Variants in TRIM77 observed in about 807,000 individuals in gnomAD.
The protein encoded by TRIM77 is tripartite motif-containing protein 77.
In TRIM77, 23 loss-of-function variants were observed where a neutral mutation model predicts 31.8. That is an observed-to-expected ratio of 0.72 (90% CI 0.52 to 1.02). TRIM77 has a LOEUF of 1.02. Ranked by LOEUF, TRIM77 falls within the 50% of genes least tolerant of loss-of-function variation. The probability of loss-of-function intolerance (pLI) is 0.00; values close to 1 mark genes in which losing one functional copy is unlikely to be tolerated. For synonymous variants in TRIM77, 159 were observed against 183.1 expected (o/e 0.87, Z 1.06); for missense variants, 446 against 539.2 (o/e 0.83, Z 1.71).
rs1949158131 is a variant in TRIM77, at chr11:89,715,945, T to C, written c.817T>C (p.Trp273Arg). ...PQPVNPQLSAWTITGVSERLN... is the reference protein window; with the variant it reads ...PQPVNPQLSARTITGVSERLN... ...GCCTGTGAACCCACAGCTCAGTGCA[T>C]GGACCATCACTGGGGTGTCAGAAAG... is the stretch of plus-strand genomic sequence containing the variant. Residue 273 changes from tryptophan (W) to arginine (R), a missense_variant, in exon 5 of 6, where the codon TGG (tryptophan) becomes CGG (arginine). Trp to Arg is a moderately radical substitution (Grantham distance 101, BLOSUM62 -3). This residue lies in a region of TRIM77 where 366 missense variants were observed against 447.9 expected (regional missense o/e 0.82). Transcript: ENST00000398290. 1.3e-6 allele frequency: 2 copies of C among 1,548,928 alleles called. No homozygotes were observed. The highest frequency in any genetic ancestry group is 3.9e-5 in the Admixed American group (2 of 50,942).
chr11:89,714,453 C>G (rs1350566786), intron 3 of TRIM77, 31 bp downstream of exon 3: 3 of 1,411,326 alleles, frequency 2.1e-6, no homozygotes, highest in Non-Finnish European at 1.9e-6. Flanking sequence ...GGGTGCTGAA[C>G]ACCACCCTGC....
chr11:89,711,493 C>T lies in TRIM77; in HGVS notation c.495C>T (p.Ile165=), dbSNP rs747410517. ...ATCTAAACAGAGAGACCAACATAAT[C>T]GGAACATGGGAAGTAAGCAGTAAGC... ...QRNLNRETNI[I]GTWEVFINLR... Residue 165 remains isoleucine, a synonymous_variant, in exon 2 of 6, where the codon ATC becomes ATT. Transcript: ENST00000398290. 1.4e-5 allele frequency: 21 copies of T among 1,513,224 alleles called. No homozygotes were observed. The East Asian group carries it at 1.8e-4, about 13-fold the overall frequency. The allele number at this position is 1,513,224 out of a possible 1,614,324, so 93.7% of individuals were successfully genotyped here.
chr11:89,711,560 G>T (rs935455364), intron 2 of TRIM77, 55 bp downstream of exon 2: 10 of 974,034 alleles, frequency 1.0e-5, no homozygotes, highest in Admixed American at 3.0e-5. Context: ...AATGTGACTT[G>T]TGGGAGAAGA....
At position 89,717,711 on chromosome 11, in the gene TRIM77, C is replaced by T. The variant is rs1420347406; in HGVS notation, c.1192C>T (p.His398Tyr). ...CTTCTCTACCTCCCCACTGTTACCT[C>T]ACTATATTCCAAGGCCCCAAGGCTG... ...SLFSTSPLLP[H>Y]YIPRPQGWLG... is the part of the protein sequence containing the mutation. The change falls in exon 6 of 6, where the codon CAC becomes TAC. Residue 398 changes from histidine (H) to tyrosine (Y), a missense_variant. Transcript: ENST00000398290. 1 of 1,551,290 alleles carries T rather than the reference C, an allele frequency of 6.4e-7. No homozygotes were observed. Among genetic ancestry groups the T allele is most frequent in the East Asian group, 2.4e-5 (1 of 40,902 alleles).
chr11:89,712,114 A>G (rs541705610), intron 2 of TRIM77, among the ~76,000 whole-genome samples: 152 of 152,332 alleles, frequency 1.0e-3, no homozygotes, highest in African/African-American at 3.4e-3. Context: ...ACAAATATGA[A>G]TTAAGTACCT....
Position 89,717,861 on chromosome 11 carries a change from G to A in TRIM77, c.1342G>A (p.Gly448Arg), listed in dbSNP as rs1443385422. The A allele has an allele frequency of 1.4e-5, 21 of 1,532,924 alleles. 1 individual carries two copies. The highest frequency in any genetic ancestry group is 1.1e-4 in the South Asian group (9 of 79,984). 95.0% of individuals were successfully genotyped at this position (1,532,924 alleles called of 1,614,324 possible). A position where few individuals can be genotyped will look rare whatever the true frequency, so the allele number is the denominator to read the frequency against. The change falls in exon 6 of 6, where the codon GGA (glycine) becomes AGA (arginine). Residue 448 changes from glycine (G) to arginine (R), a missense_variant. Gly to Arg is a moderately radical substitution (Grantham distance 125, BLOSUM62 -2). Coordinates refer to ENST00000398290, the MANE Select transcript of TRIM77 (RefSeq NM_001146162.1). ...YFPLRPFICH[G>R]SK ...TCCTCTCAGACCTTTCATTTGCCAC[G>A]GATCTAAATAATCAGGGACAGGTCA...
chr11:89,711,953 C>A (rs971391084), intron 2 of TRIM77, among the ~76,000 whole-genome samples: 2 of 151,932 alleles, frequency 1.3e-5, no homozygotes, highest in African/African-American at 4.8e-5. Context: ...GTTAGAAAAG[C>A]GGTAAAATTA....
chr11:89,716,103 C>G, intron 5 of TRIM77, 116 bp downstream of exon 5: 2 of 540,070 alleles, frequency 3.7e-6, no homozygotes, highest in African/African-American at 1.9e-5. Context: ...AGTGAACAAG[C>G]AGGTAAATAT....
chr11:89,714,190 A>C lies in TRIM77; in HGVS notation c.508-2A>C, dbSNP rs1423046894. ...GATTTAATTAATCAACTATCACTAC[A>C]GGTTTTTATAAATTTGCGGAGCATG... is the stretch of plus-strand genomic sequence containing the variant. On this transcript the variant is annotated splice_acceptor_variant, in intron 2 of 5. Transcript: ENST00000398290. LOFTEE classifies it high-confidence loss of function. 10 of 1,540,470 alleles carry C rather than the reference A, an allele frequency of 6.5e-6. No homozygotes were observed. The highest frequency in any genetic ancestry group is 4.8e-5 in the South Asian group (4 of 82,772).
At position 89,710,387 on chromosome 11, in the gene TRIM77, G is replaced by A. The variant is rs370906512; in HGVS notation, c.89G>A (p.Cys30Tyr). Reference protein sequence around the residue: ...DYLTDPVTICCGHRFCSPCLC... With the variant: ...DYLTDPVTICYGHRFCSPCLC... ...TTGACAGACCCTGTCACCATTTGTT[G>A]TGGGCACAGATTTTGTAGTCCCTGT... Residue 30 changes from cysteine to tyrosine, a missense_variant, in exon 1 of 6, where the codon TGT (cysteine) becomes TAT (tyrosine). Coordinates refer to ENST00000398290, the MANE Select transcript of TRIM77 (RefSeq NM_001146162.1). 5.2e-6 allele frequency: 8 copies of A among 1,551,858 alleles called. No individual in the cohort carries two copies. In the African/African-American group the frequency reaches 9.6e-5, roughly 19 times the overall value.
At chr11:89,712,130 T>C (rs1032131004) in intron 2 of TRIM77, among the ~76,000 whole-genome samples, 2 of 152,166 alleles carry the variant, frequency 1.3e-5, no homozygotes, top group African/African-American at 4.8e-5. Context: ...TACCTAAAAC[T>C]GAATAAGTAA....
At position 89,714,250 on chromosome 11, in the gene TRIM77, A is replaced by G. The variant is rs1183793006; in HGVS notation, c.566A>G (p.Tyr189Cys). ...ISAEYPKVCQ[Y>C]LREEEQKHVE... ...GCTGAATATCCTAAGGTGTGTCAAT[A>G]CCTCCGTGAAGAAGAGCAAAAGCAC... The change falls in exon 3 of 6, where the codon TAC becomes TGC. Residue 189 changes from tyrosine to cysteine, a missense_variant. Around this residue, in one of 3 missense-constraint regions of TRIM77, gnomAD observed 366 missense variants for 447.9 expected, o/e 0.82. Coordinates refer to ENST00000398290, the MANE Select transcript of TRIM77 (RefSeq NM_001146162.1). 1 of 1,551,672 alleles carries G rather than the reference A, an allele frequency of 6.4e-7. No individual in the cohort carries two copies. The highest frequency in any genetic ancestry group is 2.4e-5 in the East Asian group (1 of 40,914).
intron 5 of TRIM77, among the ~76,000 whole-genome samples, chr11:89,716,724 CT>C (rs1230074389): frequency 6.6e-6 from 1 of 152,088 alleles, no homozygotes; most frequent in Non-Finnish European, 1.5e-5. Context: ...ACTTCTTGGC[CT>C]TTTGGCTAAG....
chr11:89,711,852 G>A (rs1949124808), intron 2 of TRIM77, among the ~76,000 whole-genome samples: 2 of 152,102 alleles, frequency 1.3e-5, no homozygotes, highest in East Asian at 3.8e-4. Flanking sequence ...ATAGCTTCTA[G>A]GTGAAAATCA....
rs142408386 is a variant in TRIM77 at position 89,713,370 on chromosome 11, C to A, written c.508-822C>A. On this transcript the variant is annotated intron_variant, in intron 2 of 5. Coordinates refer to ENST00000398290, the MANE Select transcript of TRIM77 (RefSeq NM_001146162.1). ...ACTCAAGAGGCTGAGGAGGAAGGAT[C>A]TCCTGAGCCCAGGAATTCAAGGCTG... is the stretch of plus-strand genomic sequence containing the variant. 6.3e-3 allele frequency among the ~76,000 whole-genome samples: 930 copies of A among 148,236 alleles called. 9 individuals are homozygous for A. Among genetic ancestry groups the A allele is most frequent in the African/African-American group, 0.022 (876 of 40,604 alleles).
At chr11:89,710,820 C>T (rs1949117563) in intron 1 of TRIM77, 111 bp downstream of exon 1, 3 of 952,144 alleles carry the variant, frequency 3.2e-6, no homozygotes, top group Middle Eastern at 3.2e-4. Context: ...ATGCAATAAA[C>T]AAACAGAATT....
chr11:89,711,282 T>C (rs1949120138), intron 1 of TRIM77, 128 bp from the exon 2 acceptor site: 2 of 504,944 alleles, frequency 4.0e-6, no homozygotes, highest in Non-Finnish European at 6.9e-6. Flanking sequence ...TCAGTGCCCT[T>C]AAGAAAAGCC....
rs11018748 is a variant in TRIM77 at position 89,713,455 on chromosome 11, C to T, written c.508-737C>T. Among the ~76,000 whole-genome samples the T allele has an allele frequency of 5.0e-3, 616 of 122,384 alleles. 15 individuals carry two copies. Among genetic ancestry groups the T allele is most frequent in the Non-Finnish European group, 4.9e-3 (294 of 60,588 alleles). The allele number at this position is 122,384 out of a possible 152,430, so 80.3% of individuals were successfully genotyped here. A position where few individuals can be genotyped will look rare whatever the true frequency, so the allele number is the denominator to read the frequency against. Reference sequence around the variant, plus strand: ...TGGGTGACAAACTGAGACCTTGTCTCAATAATAATAATAATAATAATAATA... The same window carrying T: ...TGGGTGACAAACTGAGACCTTGTCTTAATAATAATAATAATAATAATAATA... On this transcript the variant is annotated intron_variant, in intron 2 of 5. Transcript: ENST00000398290.
At chr11:89,710,875 G>A (rs1316555943) in intron 1 of TRIM77, among the ~76,000 whole-genome samples, 166 bp downstream of exon 1, 2 of 152,142 alleles carry the variant, frequency 1.3e-5, no homozygotes, top group Non-Finnish European at 2.9e-5. Flanking sequence ...CTAAGATAAA[G>A]CACTGAAGAA....
Sources: gnomAD v4.1 joint callset for allele counts (sites outside exome capture counted in the v4.1 genomes callset) on GRCh38, gnomAD v4.1.1 for gene constraint, gnomAD v4.1.1 regional missense constraint, MANE v1.5 for transcripts, NCBI Gene and HGNC (gene_info 2026-07-23, HGNC 2026-07-21) for gene names.